Variants in ZNF500 observed in about 807,000 individuals in gnomAD.
ZNF500 encodes zinc finger protein 500.
Under a neutral mutation model 30.1 loss-of-function variants are expected in ZNF500, and 31 were observed. The ratio of observed to expected loss-of-function variants is 1.03; its 90% CI spans 0.77 to 1.39. The LOEUF (loss-of-function observed/expected upper bound fraction) is 1.39, where lower values mean the gene tolerates loss of function less well. Among genes scored for constraint, ZNF500 ranks in the 40% most tolerant of loss-of-function variants. The pLI is 0.00. For synonymous variants in ZNF500, 392 were observed against 282.0 expected, an observed-to-expected ratio of 1.39 and a Z score of -3.91; for missense variants, 817 against 657.8, an observed-to-expected ratio of 1.24 and a Z score of -2.65.
At chr16:4,766,261 C>T (rs887519053) in intron 1 of ZNF500, among the ~76,000 whole-genome samples, 185 bp from the exon 2 acceptor site, 3 of 152,238 alleles carry the variant, frequency 2.0e-5, no homozygotes, top group African/African-American at 7.2e-5. Context: ...CTGAAGGGCT[C>T]TGGGCTTTGC....
chr16:4,752,685 C>T lies in ZNF500; in HGVS notation c.1134G>A (p.Glu378=), dbSNP rs373989393. ...CACACTCGGGGCACGGGTAGGGCTT[C>T]TCGCCTGTGTGCACCCTCTGGTGCG... The part of the protein sequence containing the change: ...FSTHQRVHTG[E]KPYPCPECGK... Residue 378 remains glutamate, a synonymous_variant, in exon 6 of 6, where the codon GAG becomes GAA. Coordinates refer to ENST00000219478, the MANE Select transcript of ZNF500 (RefSeq NM_021646.4). The T allele has an allele frequency of 3.7e-6, 6 of 1,613,970 alleles. No individual in the cohort carries two copies. The East Asian group carries it at 1.1e-4, about 30-fold the overall frequency.
intron 2 of ZNF500, among the ~76,000 whole-genome samples, 176 bp downstream of exon 2, chr16:4,765,389 C>G (rs1283597892): frequency 6.6e-6 from 1 of 152,180 alleles, no homozygotes; most frequent in Non-Finnish European, 1.5e-5. Flanking sequence ...TGAGGTTAAT[C>G]AAAGGGTGGA....
Position 4,765,697 on chromosome 16 carries a change from C to A in ZNF500, c.282G>T (p.Val94=). 1 of 1,613,240 alleles carries A rather than the reference C, an allele frequency of 6.2e-7. No individual in the cohort carries two copies. ...RTKEQILELL[V]LEQFLTVLPG... is the part of the protein sequence containing the mutation. The stretch of plus-strand genomic sequence containing the variant: ...GCAGCACAGTCAGGAACTGCTCCAG[C>A]ACCAGCAGCTCCAGGATCTGCTCCT... Residue 94 remains valine (V), a synonymous_variant, in exon 2 of 6, where the codon GTG becomes GTT. Transcript: ENST00000219478.
At chr16:4,745,677 G>A (rs887297503), downstream of ZNF500, among the ~76,000 whole-genome samples, 9 of 152,196 alleles carry the variant, frequency 5.9e-5, no homozygotes, top group South Asian at 2.1e-4. Context: ...CTGGCTGGGC[G>A]CGGTGGCTCA....
chr16:4,761,765 G>A (rs947639782), intron 4 of ZNF500, among the ~76,000 whole-genome samples: 2 of 151,956 alleles, frequency 1.3e-5, no homozygotes, highest in South Asian at 2.1e-4. Context: ...GCTGAGGCAG[G>A]AGGATCCCTT....
At chr16:4,747,200 T>G, downstream of ZNF500, 1 of 1,235,212 alleles carries the variant, frequency 8.1e-7, no homozygotes, top group Non-Finnish European at 1.1e-6. Flanking sequence ...GTCCCAGCAG[T>G]GGCAGCAGTG....
At chr16:4,745,966 A>G (rs1006835133), downstream of ZNF500, among the ~76,000 whole-genome samples, 7 of 151,714 alleles carry the variant, frequency 4.6e-5, no homozygotes, top group Admixed American at 3.3e-4. Flanking sequence ...AAAAAAAAAA[A>G]AAAGAAAAAG....
chr16:4,752,692 G>A lies in ZNF500; in HGVS notation c.1127C>T (p.Thr376Ile). 6.2e-7 allele frequency: 1 copy of A among 1,614,176 alleles called. No homozygotes were observed. The highest frequency in any genetic ancestry group is 8.5e-7 in the Non-Finnish European group (1 of 1,180,038). Residue 376 changes from threonine (T) to isoleucine (I), a missense_variant, in exon 6 of 6, where the codon ACA becomes ATA. Transcript: ENST00000219478. ...GGGGCACGGGTAGGGCTTCTCGCCT[G>A]TGTGCACCCTCTGGTGCGTGCTGAA... Reference protein sequence around the residue: ...SNFSTHQRVHTGEKPYPCPEC... With the variant: ...SNFSTHQRVHIGEKPYPCPEC...
chr16:4,746,952 G>C, downstream of ZNF500: 1 of 1,276,454 alleles, frequency 7.8e-7, no homozygotes, highest in Admixed American at 2.9e-5. Context: ...CTCTGACAGT[G>C]AGGAGGAGGA....
At position 4,765,843 on chromosome 16, in the gene ZNF500, G is replaced by C. The variant is rs1018733653; in HGVS notation, c.136C>G (p.Pro46Ala). 3.1e-6 allele frequency: 5 copies of C among 1,613,760 alleles called. No individual in the cohort carries two copies. Among genetic ancestry groups the C allele is most frequent in the Non-Finnish European group, 4.2e-6 (5 of 1,180,014 alleles). ...CGGAAGAGCTGGCGGAAAGTCTCAG[G>C]GCTGGGGTCCTCCGTCTCCACGGAG... ...EPSVETEDPS[P>A]ETFRQLFRLF... The change falls in exon 2 of 6, where the codon CCT (proline) becomes GCT (alanine). Residue 46 changes from proline to alanine, a missense_variant. Coordinates refer to ENST00000219478, the MANE Select transcript of ZNF500 (RefSeq NM_021646.4).
At position 4,767,104 on chromosome 16, in the gene ZNF500, A is replaced by G. The variant is rs1458136885; in HGVS notation, c.-186T>C. ...TAGGACTGCGGGCCTCAGGCTTGGC[A>G]GCCAGGGACGCCAGAGCCGGGGCCG... On this transcript the variant is annotated 5_prime_UTR_variant, in exon 1 of 6. Transcript: ENST00000219478. The G allele has an allele frequency of 6.6e-6, 1 of 152,302 alleles. No homozygotes were observed. The highest frequency in any genetic ancestry group is 1.5e-5 in the Non-Finnish European group (1 of 68,124). The allele number at this position is 152,302 out of a possible 1,614,324, so 9.4% of individuals were successfully genotyped here. A position where few individuals can be genotyped will look rare whatever the true frequency, so the allele number is the denominator to read the frequency against.
chr16:4,751,571 G>A lies in ZNF500; in HGVS notation c.*805C>T, dbSNP rs1036768785. On this transcript the variant is annotated 3_prime_UTR_variant, in exon 6 of 6. Coordinates refer to ENST00000219478, the MANE Select transcript of ZNF500 (RefSeq NM_021646.4). ...GCAGGATGAAGAAGCTGGAGACCAC[G>A]TCCTGGGAAGGCTGGGGTACAGCAG... 48 of 1,533,616 alleles carry A rather than the reference G, an allele frequency of 3.1e-5. No individual in the cohort carries two copies. The highest frequency in any genetic ancestry group is 9.5e-5 in the South Asian group (8 of 83,958).
intron 1 of ZNF500, among the ~76,000 whole-genome samples, chr16:4,766,430 G>A (rs1405515697): frequency 6.6e-6 from 1 of 152,128 alleles, no homozygotes; most frequent in Non-Finnish European, 1.5e-5. Flanking sequence ...TGACCACCTG[G>A]TCAACGTGGT....
At chr16:4,754,610 G>A (rs2082117535) in intron 5 of ZNF500, among the ~76,000 whole-genome samples, 1 of 151,110 alleles carries the variant, frequency 6.6e-6, no homozygotes, top group African/African-American at 2.4e-5. Flanking sequence ...GTTGCAATGA[G>A]CCAAGATCGT....
chr16:4,760,092 G>T (rs976767448), intron 5 of ZNF500, among the ~76,000 whole-genome samples: 3 of 152,190 alleles, frequency 2.0e-5, no homozygotes, highest in African/African-American at 7.2e-5. Flanking sequence ...ATCAGGAAAG[G>T]CAGGAAGAGA....
chr16:4,763,672 T>C, intron 2 of ZNF500: 2 of 985,378 alleles, frequency 2.0e-6, no homozygotes, highest in Non-Finnish European at 2.4e-6. Context: ...GTGATGGCCA[T>C]GAGGCATGTG....
rs771502550 is a variant in ZNF500, at chr16:4,765,430, G to C, written c.414+135C>G. 7.2e-6 allele frequency: 9 copies of C among 1,242,268 alleles called. 1 individual carries two copies. The highest frequency in any genetic ancestry group is 2.0e-4 in the Middle Eastern group (1 of 4,966). 77.0% of individuals were successfully genotyped at this position (1,242,268 alleles called of 1,614,324 possible). Reference sequence around the variant, plus strand: ...ATTAGCCAAGGCTGAGAAATCTTTTGCAGTTGCTTTCCTCAAAAGGGCTCA... The same window carrying C: ...ATTAGCCAAGGCTGAGAAATCTTTTCCAGTTGCTTTCCTCAAAAGGGCTCA... On this transcript the variant is annotated intron_variant, in intron 2 of 5. Transcript: ENST00000219478.
downstream of ZNF500, chr16:4,745,063 G>T: frequency 6.3e-7 from 1 of 1,584,750 alleles, no homozygotes. Flanking sequence ...ATGGCCCCAT[G>T]GTTTTGTAGC....
At position 4,758,833 on chromosome 16, in the gene ZNF500, C is replaced by A. The variant is rs546721527; in HGVS notation, c.760+1659G>T. ...GGCAACAAAAGAAAAAAACGATCAA[C>A]TGGACACTAGAACCAAAAACTTTTG... On this transcript the variant is annotated intron_variant, in intron 5 of 5. Coordinates refer to ENST00000219478, the MANE Select transcript of ZNF500 (RefSeq NM_021646.4). Among the ~76,000 whole-genome samples the A allele has an allele frequency of 2.0e-5, 3 of 152,316 alleles. No homozygotes were observed. The South Asian group carries it at 6.2e-4, about 32-fold the overall frequency.
Sources: allele counts gnomAD v4.1 joint callset (sites outside exome capture counted in the v4.1 genomes callset), GRCh38; gene constraint gnomAD v4.1.1; transcripts MANE v1.5; gene names NCBI Gene and HGNC (gene_info 2026-07-23, HGNC 2026-07-21).